NRP2: variants seen among roughly 807,000 people sequenced by gnomAD.
NRP2 encodes neuropilin 2.
Under a neutral mutation model 110.4 loss-of-function variants are expected in NRP2, and 52 were observed. The observed-to-expected ratio is 0.47, with a 90% confidence interval of 0.38 to 0.59. The LOEUF is 0.59. Among genes scored for constraint, NRP2 ranks in the 20% least tolerant of loss-of-function variants. The pLI is 0.00. For synonymous variants in NRP2, 508 were observed against 468.9 expected, an observed-to-expected ratio of 1.08 and a Z score of -1.08; for missense variants, 1,049 against 1,203.0, an observed-to-expected ratio of 0.87 and a Z score of 1.89.
intron 2 of NRP2, among the ~76,000 whole-genome samples, chr2:205,708,567 C>G (rs908680252): frequency 2.0e-5 from 3 of 152,206 alleles, no homozygotes; most frequent in African/African-American, 7.2e-5. Flanking sequence ...GCAGCCTGCT[C>G]CATGAGGAAC....
intron 7 of NRP2, among the ~76,000 whole-genome samples, chr2:205,728,326 G>A (rs2057169964): frequency 6.6e-6 from 1 of 152,280 alleles, no homozygotes; most frequent in African/African-American, 2.4e-5. Context: ...GAGAAAATAT[G>A]TCCCCAGTCC....
intron 4 of NRP2, 108 bp from the exon 5 acceptor site, chr2:205,723,677 C>A (rs1037740337): frequency 1.3e-5 from 15 of 1,123,304 alleles, no homozygotes; most frequent in Non-Finnish European, 2.0e-5. Flanking sequence ...GCAAGATGTA[C>A]AAAGTGTGCT....
chr2:205,714,102 C>G (rs2056848593), intron 2 of NRP2, among the ~76,000 whole-genome samples: 1 of 152,056 alleles, frequency 6.6e-6, no homozygotes, highest in African/African-American at 2.4e-5. Context: ...TTCACATTTA[C>G]TTAGCACTCA....
chr2:205,775,606 C>T (rs2058085726), intron 15 of NRP2, among the ~76,000 whole-genome samples: 1 of 152,348 alleles, frequency 6.6e-6, no homozygotes, highest in East Asian at 1.9e-4. Flanking sequence ...TGGTGATTGA[C>T]CTGTCTAGGC....
chr2:205,750,738 TGAG>T (rs1416415757), intron 11 of NRP2, among the ~76,000 whole-genome samples: 11 of 152,224 alleles, frequency 7.2e-5, no homozygotes, highest in African/African-American at 2.6e-4. Context: ...TTAAACAAAA[TGAG>T]GGAAGATTGG....
rs149738967 is a variant in NRP2, at chr2:205,747,993, A to G, written c.1787-1732A>G. On this transcript the variant is annotated intron_variant, in intron 10 of 16. Transcript: ENST00000357785. ...GACATCTGGTTTCAATTTCAGGGGTAGCGTTGCTGTTTGATGGGCAGTTAC... is the reference window on the plus strand; with the variant it reads ...GACATCTGGTTTCAATTTCAGGGGTGGCGTTGCTGTTTGATGGGCAGTTAC... Among the ~76,000 whole-genome samples, 5 of 152,186 alleles carry G rather than the reference A, an allele frequency of 3.3e-5. 1 individual carries two copies. Among genetic ancestry groups the G allele is most frequent in the East Asian group, 1.9e-4 (1 of 5,176 alleles).
At position 205,763,603 on chromosome 2, in the gene NRP2, G is replaced by A. The variant is rs2057859886; in HGVS notation, c.2045-71G>A. 1 of 1,600,198 alleles carries A rather than the reference G, an allele frequency of 6.2e-7. No individual in the cohort carries two copies. Among genetic ancestry groups the A allele is most frequent in the African/African-American group, 1.3e-5 (1 of 74,748 alleles). On this transcript the variant is annotated intron_variant, in intron 12 of 16. Transcript: ENST00000357785. The surrounding 1 kb of genome is among the most constrained non-coding windows in gnomAD (Gnocchi z 4.0). ...CTCAGTCCCAACTTTCCCTTGGAGA[G>A]GCCACAGCAGCACACTGGTGTCTTT...
intron 2 of NRP2, among the ~76,000 whole-genome samples, chr2:205,706,621 T>C (rs1177903607): frequency 6.6e-6 from 1 of 152,182 alleles, no homozygotes; most frequent in African/African-American, 2.4e-5. Flanking sequence ...AAGCGATTTA[T>C]CTATGTGTCA....
intron 10 of NRP2, among the ~76,000 whole-genome samples, chr2:205,747,019 G>T (rs574100849): frequency 2.6e-5 from 4 of 152,226 alleles, no homozygotes. Flanking sequence ...CCTGCTAAAC[G>T]TGTGTCACCC....
chr2:205,716,666 G>C (rs1559322157), intron 3 of NRP2, among the ~76,000 whole-genome samples: 1 of 152,186 alleles, frequency 6.6e-6, no homozygotes, highest in African/African-American at 2.4e-5. Flanking sequence ...ATTTTTGTAT[G>C]TTTTTTAAAA....
intron 15 of NRP2, chr2:205,779,778 T>A (rs555135297): frequency 3.3e-5 from 5 of 152,224 alleles, no homozygotes; most frequent in Non-Finnish European, 5.9e-5. Flanking sequence ...TTGAGCAAAC[T>A]GATGCTTCCA....
chr2:205,708,239 C>T (rs1003895175), intron 2 of NRP2, among the ~76,000 whole-genome samples: 10 of 152,168 alleles, frequency 6.6e-5, no homozygotes, highest in Admixed American at 2.0e-4. Flanking sequence ...AGCAGCCTGC[C>T]CCCAAAGCCT....
At position 205,776,467 on chromosome 2, in the gene NRP2, C is replaced by G. The variant is rs749172604; in HGVS notation, c.2425+9664C>G. On this transcript the variant is annotated intron_variant, in intron 15 of 16. Coordinates refer to ENST00000357785, the MANE Select transcript of NRP2 (RefSeq NM_003872.3). ...CTCCCACTACACCAACGGGGCCCCT[C>G]TGGCGGTGGAGCCCACCCTAACCAT... 4 of 1,612,270 alleles carry G rather than the reference C, an allele frequency of 2.5e-6. No homozygotes were observed. In the East Asian group the frequency reaches 6.7e-5, roughly 27 times the overall value.
intron 2 of NRP2, among the ~76,000 whole-genome samples, chr2:205,706,774 T>C (rs916086764): frequency 3.9e-5 from 6 of 152,152 alleles, no homozygotes; most frequent in African/African-American, 1.4e-4. Flanking sequence ...AGTTATCTTC[T>C]TGGGGGCCTT....
intron 15 of NRP2, among the ~76,000 whole-genome samples, chr2:205,770,675 A>T (rs2058007463): frequency 6.6e-6 from 1 of 152,200 alleles, no homozygotes; most frequent in Admixed American, 6.5e-5. Context: ...GTGCTTTTGC[A>T]CATAACCGTC....
intron 6 of NRP2, among the ~76,000 whole-genome samples, chr2:205,726,528 G>A (rs1483602822): frequency 6.6e-6 from 1 of 152,132 alleles, no homozygotes; most frequent in Non-Finnish European, 1.5e-5. Flanking sequence ...GGAAGGTTTT[G>A]CACAGAGCTA....
At chr2:205,742,761 C>T (rs1039510150) in intron 8 of NRP2, among the ~76,000 whole-genome samples, 3 of 152,180 alleles carry the variant, frequency 2.0e-5, no homozygotes, top group Admixed American at 6.5e-5. Flanking sequence ...CTAGTGTCAT[C>T]GACAGGGATG....
At chr2:205,711,294 CTTAT>C (rs2056792991) in intron 2 of NRP2, among the ~76,000 whole-genome samples, 1 of 152,182 alleles carries the variant, frequency 6.6e-6, no homozygotes, top group South Asian at 2.1e-4. Flanking sequence ...CTTCATGGTG[CTTAT>C]TGTCTGGTGC....
At chr2:205,694,918 A>C (rs1177414127) in intron 1 of NRP2, among the ~76,000 whole-genome samples, 1 of 152,228 alleles carries the variant, frequency 6.6e-6, no homozygotes, top group East Asian at 1.9e-4. Context: ...TCTAGTATTT[A>C]TCTTTGTGGA....
Sources: gnomAD v4.1 joint callset for allele counts (sites outside exome capture counted in the v4.1 genomes callset) on GRCh38, gnomAD v4.1.1 for gene constraint, Gnocchi (gnomAD v3.1) non-coding constraint, MANE v1.5 for transcripts, NCBI Gene and HGNC (gene_info 2026-07-23, HGNC 2026-07-21) for gene names.